CD164: variants seen among roughly 807,000 people sequenced by gnomAD.
CD164 encodes sialomucin core protein 24.
A neutral mutation model predicts 24.6 loss-of-function variants in CD164; 11 were observed. The ratio of observed to expected loss-of-function variants is 0.45; its 90% CI spans 0.28 to 0.74. The LOEUF (loss-of-function observed/expected upper bound fraction) is 0.74, where lower values mean the gene tolerates loss of function less well. CD164 is among the 30% of genes least tolerant of loss of function. The pLI is 0.13. For missense variants in CD164, 295 were observed against 243.7 expected, an observed-to-expected ratio of 1.21 and a Z score of -1.40; for synonymous variants, 126 against 100.3, an observed-to-expected ratio of 1.26 and a Z score of -1.53.
intron 1 of CD164, chr6:109,379,962 T>C (rs1582491862): frequency 8.8e-6 from 2 of 226,348 alleles, no homozygotes; most frequent in East Asian, 2.1e-4. Flanking sequence ...ACTAAGGATT[T>C]AGGCATTTCA....
intron 4 of CD164, chr6:109,372,687 G>A (rs1771148106): frequency 6.6e-6 from 1 of 152,158 alleles, no homozygotes; most frequent in Admixed American, 6.5e-5. Context: ...ATTAGAGGCT[G>A]TGGTTATGTT....
chr6:109,379,896 G>T (rs1466794974), intron 1 of CD164: 3 of 393,986 alleles, frequency 7.6e-6, no homozygotes, highest in Non-Finnish European at 1.4e-5. Context: ...GTGCCTGATG[G>T]TATCTGTCTA....
At chr6:109,381,679 G>A (rs981681368) in intron 1 of CD164, 2 of 675,974 alleles carry the variant, frequency 3.0e-6, no homozygotes, top group East Asian at 2.7e-5. Context: ...GACCTTCTCA[G>A]ACTCAAGTCT....
At position 109,368,113 on chromosome 6, in the gene CD164, C is replaced by T. The variant is rs1167765890; in HGVS notation, c.*738G>A. 1.8e-6 allele frequency: 1 copy of T among 565,432 alleles called. No homozygotes were observed. The highest frequency in any genetic ancestry group is 2.9e-6 in the Non-Finnish European group (1 of 339,860). The allele number at this position is 565,432 out of a possible 1,614,324, so 35.0% of individuals were successfully genotyped here. ...TACTACTGCTCACATCAAGTTACAT[C>T]CTCTGACCAATCCTTACCTTCCTTA... is the stretch of plus-strand genomic sequence containing the variant. On this transcript the variant is annotated 3_prime_UTR_variant, in exon 6 of 6. Transcript: ENST00000310786.
chr6:109,374,782 G>C (rs3778474), intron 4 of CD164, among the ~76,000 whole-genome samples: 1 of 151,782 alleles, frequency 6.6e-6, no homozygotes, highest in Non-Finnish European at 1.5e-5. Flanking sequence ...CATCTCCTCC[G>C]CATGTGCTGA....
intron 1 of CD164, among the ~76,000 whole-genome samples, chr6:109,380,895 T>C (rs1771698627): frequency 6.6e-6 from 1 of 152,240 alleles, no homozygotes; most frequent in East Asian, 1.9e-4. Context: ...CGGTTAGAAT[T>C]CCCAGTATTA....
chr6:109,377,132 CAA>C (rs1220576421), intron 3 of CD164, among the ~76,000 whole-genome samples: 1 of 152,104 alleles, frequency 6.6e-6, no homozygotes, highest in Non-Finnish European at 1.5e-5. Context: ...GAGACTGTCT[CAA>C]AAAAAGTTTG....
chr6:109,370,245 CATT>C (rs1771001497), intron 5 of CD164, among the ~76,000 whole-genome samples, 163 bp downstream of exon 5: 1 of 152,180 alleles, frequency 6.6e-6, no homozygotes, highest in Admixed American at 6.5e-5. Context: ...GCAAAGCTAT[CATT>C]ATTGTGTTAA....
At chr6:109,375,617 C>CA (rs58138405) in intron 4 of CD164, among the ~76,000 whole-genome samples, 940 of 71,302 alleles carry the variant, frequency 0.013, 17 homozygotes, top group East Asian at 0.089. Context: ...ACTTCGCTTC[C>CA]AAAAAAAAAA....
intron 4 of CD164, chr6:109,371,997 A>G (rs1008586515): frequency 1.3e-5 from 2 of 152,224 alleles, no homozygotes; most frequent in African/African-American, 4.8e-5. Flanking sequence ...AAGGGTTTGA[A>G]GGCTAAAGAG....
intron 1 of CD164, among the ~76,000 whole-genome samples, chr6:109,380,987 T>C (rs1447611066): frequency 6.6e-6 from 1 of 152,234 alleles, no homozygotes; most frequent in Non-Finnish European, 1.5e-5. Context: ...GTTTACTATA[T>C]ACTTTATTAA....
At chr6:109,382,053 T>C (rs1771784592) in intron 1 of CD164, 151 bp downstream of exon 1, 1 of 588,152 alleles carries the variant, frequency 1.7e-6, no homozygotes, top group South Asian at 6.6e-5. Flanking sequence ...GACTCCAGGC[T>C]GGCCGCCATG....
chr6:109,369,471 T>A (rs545009874), intron 5 of CD164, among the ~76,000 whole-genome samples: 1 of 152,224 alleles, frequency 6.6e-6, no homozygotes, highest in African/African-American at 2.4e-5. Context: ...ATGCAATTTA[T>A]AATTTCAACA....
intron 4 of CD164, among the ~76,000 whole-genome samples, chr6:109,375,532 G>A (rs537894389): frequency 9.9e-5 from 15 of 150,966 alleles, no homozygotes; most frequent in South Asian, 6.2e-4. Context: ...CAGGAGAATC[G>A]CTTGAACTTG....
intron 4 of CD164, among the ~76,000 whole-genome samples, chr6:109,373,066 A>G (rs1170447105): frequency 1.3e-5 from 2 of 152,222 alleles, no homozygotes; most frequent in South Asian, 2.1e-4. Flanking sequence ...AATAATAATC[A>G]TAAGTTATAA....
At chr6:109,374,505 C>T (rs368190341) in intron 4 of CD164, among the ~76,000 whole-genome samples, 5 of 152,178 alleles carry the variant, frequency 3.3e-5, no homozygotes, top group Non-Finnish European at 7.3e-5. Context: ...ATTATTGTAA[C>T]AGGCTATCTA....
chr6:109,372,702 C>T (rs1207329010), intron 4 of CD164: 1 of 152,124 alleles, frequency 6.6e-6, no homozygotes, highest in African/African-American at 2.4e-5. Context: ...TATGTTAAAG[C>T]TCATTATTTC....
At chr6:109,378,493 T>C (rs142479797) in intron 2 of CD164, among the ~76,000 whole-genome samples, 1 of 152,044 alleles carries the variant, frequency 6.6e-6, no homozygotes, top group African/African-American at 2.4e-5. Context: ...GGGTCTGTAT[T>C]AAGAGGTTAG....
intron 4 of CD164, chr6:109,371,380 A>G: frequency 6.5e-6 from 1 of 152,870 alleles, no homozygotes; most frequent in Non-Finnish European, 1.5e-5. Flanking sequence ...CCTCCTGTGT[A>G]GCTGGGATTA....
Sources: gnomAD v4.1 joint callset for allele counts (sites outside exome capture counted in the v4.1 genomes callset) on GRCh38, gnomAD v4.1.1 for gene constraint, MANE v1.5 for transcripts, NCBI Gene and HGNC (gene_info 2026-07-23, HGNC 2026-07-21) for gene names.